Variants in HHIPL2 observed in about 807,000 individuals in gnomAD.
HHIPL2 encodes HHIP like 2.
A neutral mutation model predicts 61.0 loss-of-function variants in HHIPL2; 61 were observed. That is an observed-to-expected ratio of 1.00 (90% CI 0.81 to 1.24). HHIPL2 has a LOEUF of 1.24. HHIPL2 is among the 50% of genes most tolerant of loss of function. The pLI is 0.00. For synonymous variants in HHIPL2, 343 were observed against 357.4 expected, an observed-to-expected ratio of 0.96 and a Z score of 0.45; for missense variants, 885 against 910.2, an observed-to-expected ratio of 0.97 and a Z score of 0.36.
chr1:222,531,162 T>C (rs1659180484), intron 6 of HHIPL2, among the ~76,000 whole-genome samples: 1 of 152,164 alleles, frequency 6.6e-6, no homozygotes, highest in African/African-American at 2.4e-5. Context: ...TACCTTTTTC[T>C]CAGGTTTCTA....
chr1:222,543,835 C>T lies in HHIPL2; in HGVS notation c.676G>A (p.Gly226Arg). Residue 226 changes from glycine (G) to arginine (R), a missense_variant, in exon 2 of 9, where the codon GGG becomes AGG. By Grantham distance (125) the Gly-to-Arg change is moderately radical (BLOSUM62 -2). Coordinates refer to ENST00000343410, the MANE Select transcript of HHIPL2 (RefSeq NM_024746.4). The stretch of plus-strand genomic sequence containing the variant: ...ACAAAGAAGCGATGGGTGCCGTCCC[C>T]AGCATGGACCATGGAGACGGGGTTC... ...LRNPVSMVHA[G>R]DGTHRFFVAE... 1 of 1,614,152 alleles carries T rather than the reference C, an allele frequency of 6.2e-7. No homozygotes were observed. Among genetic ancestry groups the T allele is most frequent in the Non-Finnish European group, 8.5e-7 (1 of 1,180,036 alleles).
Position 222,538,767 on chromosome 1 carries a change from A to G in HHIPL2, c.1458T>C (p.Val486=), listed in dbSNP as rs1659362066. The change falls in exon 5 of 9, where the codon GTT becomes GTC. Residue 486 remains valine (V), a synonymous_variant. Transcript: ENST00000343410. ...CATGGCCATAAGCATAGATTGGCAGAACATCATCTGTCCAGGAGAGAGGAA... is the reference window on the plus strand; with the variant it reads ...CATGGCCATAAGCATAGATTGGCAGGACATCATCTGTCCAGGAGAGAGGAA... The part of the protein sequence containing the change: ...KLCHNASLDD[V]LPIYAYGHAV... 1 of 1,614,066 alleles carries G rather than the reference A, an allele frequency of 6.2e-7. No homozygotes were observed.
chr1:222,536,913 TGG>T (rs1361652655), intron 5 of HHIPL2, among the ~76,000 whole-genome samples: 1 of 151,804 alleles, frequency 6.6e-6, no homozygotes, highest in Non-Finnish European at 1.5e-5. Flanking sequence ...TTTAATTAGC[TGG>T]GTGCCACAAG....
At chr1:222,541,522 A>G (rs779335811) in intron 3 of HHIPL2, among the ~76,000 whole-genome samples, 1 of 152,234 alleles carries the variant, frequency 6.6e-6, no homozygotes, top group African/African-American at 2.4e-5. Context: ...ATCAATTAAC[A>G]AAATAGATAT....
chr1:222,543,403 T>C, intron 2 of HHIPL2, 134 bp downstream of exon 2: 2 of 906,254 alleles, frequency 2.2e-6, no homozygotes, highest in South Asian at 1.7e-5. Context: ...CCGTTCTCAA[T>C]CCACAGTGAC....
At chr1:222,527,218 C>A (rs1321155669) in intron 6 of HHIPL2, among the ~76,000 whole-genome samples, 168 bp from the exon 7 acceptor site, 1 of 152,204 alleles carries the variant, frequency 6.6e-6, no homozygotes, top group Admixed American at 6.5e-5. Flanking sequence ...GGGCTGTGAG[C>A]TCCTTGAGGA....
intron 6 of HHIPL2, among the ~76,000 whole-genome samples, chr1:222,527,965 G>A (rs963996259): frequency 3.3e-5 from 5 of 152,128 alleles, no homozygotes; most frequent in African/African-American, 1.2e-4. Flanking sequence ...CCCAGTCTCA[G>A]TCTCAGGTAT....
rs1356474310 is a variant in HHIPL2, at chr1:222,543,572, C to T, written c.939G>A (p.Arg313=). Residue 313 remains arginine, a synonymous_variant, in exon 2 of 9, where the codon CGG becomes CGA. Transcript: ENST00000343410. ...KIRISEMKVS[R]ADPNKADLKS... is the part of the protein sequence containing the mutation. Reference sequence around the variant, plus strand: ...TCAGGTCAGCTTTGTTAGGATCAGCCCGAGAAACCTTCATCTCACTAATTC... The same window carrying T: ...TCAGGTCAGCTTTGTTAGGATCAGCTCGAGAAACCTTCATCTCACTAATTC... The T allele has an allele frequency of 6.2e-7, 1 of 1,613,904 alleles. No individual in the cohort carries two copies. Among genetic ancestry groups the T allele is most frequent in the Non-Finnish European group, 8.5e-7 (1 of 1,179,840 alleles).
At chr1:222,545,615 A>G (rs900380079) in intron 1 of HHIPL2, among the ~76,000 whole-genome samples, 2 of 152,188 alleles carry the variant, frequency 1.3e-5, no homozygotes, top group Non-Finnish European at 2.9e-5. Flanking sequence ...GGCTGTGGAA[A>G]GAGAACCATC....
At chr1:222,540,429 G>T in intron 3 of HHIPL2, 88 bp from the exon 4 acceptor site, 2 of 1,035,018 alleles carry the variant, frequency 1.9e-6, no homozygotes, top group Non-Finnish European at 2.8e-6. Flanking sequence ...CCGACTCATA[G>T]CTGATGCCAA....
At chr1:222,547,096 G>A (rs182702249) in intron 1 of HHIPL2, among the ~76,000 whole-genome samples, 181 of 152,302 alleles carry the variant, frequency 1.2e-3, no homozygotes, top group Non-Finnish European at 2.1e-3. Context: ...CAATCAAAAC[G>A]ATGCCTCCCA....
intron 5 of HHIPL2, among the ~76,000 whole-genome samples, chr1:222,537,220 T>C (rs1659319092): frequency 6.6e-6 from 1 of 151,594 alleles, no homozygotes; most frequent in Non-Finnish European, 1.5e-5. Context: ...AAACCCAACA[T>C]CTATATCTAA....
intron 1 of HHIPL2, among the ~76,000 whole-genome samples, chr1:222,546,469 G>A (rs896123174): frequency 6.6e-6 from 1 of 152,336 alleles, no homozygotes; most frequent in Middle Eastern, 3.4e-3. Context: ...GTGTAGGACT[G>A]TTTGGCTGAA....
At chr1:222,541,481 TGCCAG>T (rs1185712605) in intron 3 of HHIPL2, among the ~76,000 whole-genome samples, 1 of 152,220 alleles carries the variant, frequency 6.6e-6, no homozygotes, top group Non-Finnish European at 1.5e-5. Flanking sequence ...GACTCCCTTG[TGCCAG>T]GCACTGTCCT....
At chr1:222,547,294 A>T (rs889727646) in intron 1 of HHIPL2, among the ~76,000 whole-genome samples, 20 of 152,186 alleles carry the variant, frequency 1.3e-4, no homozygotes, top group African/African-American at 4.8e-4. Flanking sequence ...CACCCAGATG[A>T]AAAGGACTGG....
chr1:222,523,533 G>A, intron 8 of HHIPL2, 79 bp downstream of exon 8: 1 of 1,322,078 alleles, frequency 7.6e-7, no homozygotes. Flanking sequence ...TCCACCATGG[G>A]AATTATAGCC....
Position 222,538,728 on chromosome 1 carries a change from T to C in HHIPL2, c.1497A>G (p.Ser499=). ...CACGATAGACATAACCTCCAGTGAC[T>C]GACTTCCCCACTGCATGGCCATAAG... ...IYAYGHAVGK[S]VTGGYVYRGC... Residue 499 remains serine, a synonymous_variant, in exon 5 of 9, where the codon TCA becomes TCG. Coordinates refer to ENST00000343410, the MANE Select transcript of HHIPL2 (RefSeq NM_024746.4). The C allele has an allele frequency of 3.7e-6, 6 of 1,614,024 alleles. No individual in the cohort carries two copies. Among genetic ancestry groups the C allele is most frequent in the Non-Finnish European group, 5.1e-6 (6 of 1,179,876 alleles).
At chr1:222,540,986 C>G (rs917727462) in intron 3 of HHIPL2, among the ~76,000 whole-genome samples, 2 of 152,132 alleles carry the variant, frequency 1.3e-5, no homozygotes, top group Admixed American at 1.3e-4. Context: ...CCTGTAATCC[C>G]ACATTTTGGG....
In HHIPL2 at chr1:222,522,395, AT is replaced by A; in HGVS notation, c.*205del. ...CCCAGGTGCACCAGCAATCTGGGAT[AT>A]GGTCTCCCACAGAAGCACTGCATAC... On this transcript the variant is annotated 3_prime_UTR_variant, in exon 9 of 9. Coordinates refer to ENST00000343410, the MANE Select transcript of HHIPL2 (RefSeq NM_024746.4). The A allele has an allele frequency of 3.3e-6, 2 of 603,092 alleles. No homozygotes were observed. Among genetic ancestry groups the A allele is most frequent in the Non-Finnish European group, 2.9e-6 (1 of 341,084 alleles). 37.4% of individuals were successfully genotyped at this position (603,092 alleles called of 1,614,324 possible).
Sources: allele counts gnomAD v4.1 joint callset (sites outside exome capture counted in the v4.1 genomes callset), GRCh38; gene constraint gnomAD v4.1.1; transcripts MANE v1.5; gene names NCBI Gene and HGNC (gene_info 2026-07-23, HGNC 2026-07-21).